ANK2: variants seen among roughly 807,000 people sequenced by gnomAD.
The protein encoded by ANK2 is ankyrin-2.
ANK2 carries 83 observed loss-of-function variants against 360.5 expected under a neutral mutation model. The ratio of observed to expected loss-of-function variants is 0.23; its 90% CI spans 0.19 to 0.28. ANK2 has a LOEUF of 0.28. Ranked by LOEUF, ANK2 falls within the 10% of genes least tolerant of loss-of-function variation. The pLI, the probability that ANK2 is intolerant of heterozygous loss-of-function variation, is 1.00. For synonymous variants in ANK2, 1,740 were observed against 1,759.5 expected (o/e 0.99, Z 0.28); for missense variants, 4,201 against 4,795.7 (o/e 0.88, Z 3.66).
intron 1 of ANK2, among the ~76,000 whole-genome samples, chr4:112,840,958 T>C (rs1476633756): frequency 2.0e-5 from 3 of 152,076 alleles, no homozygotes; most frequent in Non-Finnish European, 4.4e-5. Flanking sequence ...TGTTATATAC[T>C]TGAGTATCCA....
At chr4:112,824,708 TG>T (rs982797827) in intron 1 of ANK2, among the ~76,000 whole-genome samples, 2 of 152,086 alleles carry the variant, frequency 1.3e-5, no homozygotes, top group African/African-American at 4.8e-5. Context: ...TTCACCATGC[TG>T]GCCAGGCTGG....
At chr4:112,737,962 T>C in the ANK2 span, among the ~76,000 whole-genome samples, 1 of 152,150 alleles carries the variant, frequency 6.6e-6, no homozygotes, top group Non-Finnish European at 1.5e-5. Flanking sequence ...TTCATCGGGG[T>C]ACATCGATAG....
At chr4:113,116,238 TTAATAATGAG>T (rs2094757844) in intron 1 of ANK2, among the ~76,000 whole-genome samples, 1 of 152,232 alleles carries the variant, frequency 6.6e-6, no homozygotes, top group Non-Finnish European at 1.5e-5. Context: ...CCTTTGATAA[TTAATAATGAG>T]TACCTATGTG....
upstream of ANK2, among the ~76,000 whole-genome samples, chr4:113,046,713 A>G (rs936447544): frequency 6.6e-6 from 1 of 152,108 alleles, no homozygotes; most frequent in African/African-American, 2.4e-5. Flanking sequence ...ACCTCGTCTC[A>G]GGTATTTTGT....
At chr4:112,777,736 G>A in the ANK2 span, among the ~76,000 whole-genome samples, 2 of 150,194 alleles carry the variant, frequency 1.3e-5, no homozygotes, top group Admixed American at 1.3e-4. Flanking sequence ...TCCTGCCTCA[G>A]CCTCCCGAGT....
the ANK2 span, among the ~76,000 whole-genome samples, chr4:112,802,183 G>A: frequency 6.6e-6 from 1 of 152,062 alleles, no homozygotes; most frequent in Non-Finnish European, 1.5e-5. Context: ...AGGTATTTGT[G>A]CAACAACTGA....
chr4:112,959,525 G>A (rs1485439201), intron 2 of ANK2, among the ~76,000 whole-genome samples: 2 of 152,084 alleles, frequency 1.3e-5, no homozygotes, highest in Non-Finnish European at 2.9e-5. Flanking sequence ...TGAAGGTTTG[G>A]GAACTTTGTG....
chr4:113,174,538 T>A (rs2098118964), intron 2 of ANK2, 21 bp downstream of exon 2: 2 of 1,539,504 alleles, frequency 1.3e-6, no homozygotes, highest in South Asian at 2.3e-5. Flanking sequence ...GGCAGCTAGC[T>A]CTGTGTTGTG....
At chr4:113,260,363 T>A (rs1399711407) in intron 13 of ANK2, among the ~76,000 whole-genome samples, 2 of 152,222 alleles carry the variant, frequency 1.3e-5, no homozygotes, top group African/African-American at 4.8e-5. Flanking sequence ...AATTTGACAA[T>A]CATTATATTA....
chr4:113,200,161 G>T (rs1170507213), intron 4 of ANK2, among the ~76,000 whole-genome samples: 1 of 152,038 alleles, frequency 6.6e-6, no homozygotes, highest in Non-Finnish European at 1.5e-5. Context: ...CCTTCAGTTG[G>T]ATGCACATCA....
At chr4:112,911,238 TG>T (rs34056482) in intron 2 of ANK2, among the ~76,000 whole-genome samples, 1 of 138,066 alleles carries the variant, frequency 7.2e-6, no homozygotes, top group Non-Finnish European at 1.5e-5. Context: ...CTGGGCGCAG[TG>T]GCTCATGCCT....
intron 1 of ANK2, among the ~76,000 whole-genome samples, chr4:113,118,496 G>C (rs538265971): frequency 6.6e-6 from 1 of 152,124 alleles, no homozygotes; most frequent in African/African-American, 2.4e-5. Context: ...AACCAACATT[G>C]AGTTGAGATC....
the ANK2 span, among the ~76,000 whole-genome samples, chr4:112,719,752 A>C: frequency 6.6e-6 from 1 of 151,716 alleles, no homozygotes; most frequent in Non-Finnish European, 1.5e-5. Flanking sequence ...AGAAGGTATA[A>C]TTCAAAGCAG....
chr4:112,719,645 G>C, the ANK2 span, among the ~76,000 whole-genome samples: 1 of 151,290 alleles, frequency 6.6e-6, no homozygotes, highest in Non-Finnish European at 1.5e-5. Flanking sequence ...GGAGAATGGC[G>C]TGAACCCAGG....
rs564451825 is a variant in ANK2, at chr4:113,275,032, A to G, written c.1683+383A>G. Among the ~76,000 whole-genome samples, 3 of 152,332 alleles carry G rather than the reference A, an allele frequency of 2.0e-5. No homozygotes were observed. The East Asian group carries it at 5.8e-4, about 29-fold the overall frequency. ...GAGGGTACTGCATTAGATTGGCAGT[A>G]CTATATTTGCTGTGAGTTATAGTAC... On this transcript the variant is annotated intron_variant, in intron 15 of 45. Transcript: ENST00000357077.
chr4:113,256,465 G>T (rs569890318), intron 11 of ANK2, among the ~76,000 whole-genome samples: 3 of 152,102 alleles, frequency 2.0e-5, no homozygotes, highest in Non-Finnish European at 4.4e-5. Context: ...AGTGTGTTAC[G>T]GCTTCAGGGA....
intron 1 of ANK2, among the ~76,000 whole-genome samples, chr4:112,850,249 C>CATCCATCTATCT (rs1437200079): frequency 1.1e-4 from 15 of 139,352 alleles, no homozygotes; most frequent in East Asian, 4.3e-4. Context: ...TAAGAAATTT[C>CATCCATCTATCT]ATCTATCTAT....
intron 1 of ANK2, among the ~76,000 whole-genome samples, chr4:113,052,158 TAC>T (rs1324114058): frequency 1.3e-5 from 2 of 152,212 alleles, no homozygotes; most frequent in Non-Finnish European, 2.9e-5. Flanking sequence ...GCAAGAAACT[TAC>T]ATTTTCATAT....
intron 2 of ANK2, among the ~76,000 whole-genome samples, chr4:112,996,502 G>A (rs1670691833): frequency 6.6e-6 from 1 of 151,982 alleles, no homozygotes; most frequent in South Asian, 2.1e-4. Context: ...AATGTAATAG[G>A]AACAGCACCT....
Sources: allele counts gnomAD v4.1 joint callset (sites outside exome capture counted in the v4.1 genomes callset), GRCh38; gene constraint gnomAD v4.1.1; transcripts MANE v1.5; gene names NCBI Gene and HGNC (gene_info 2026-07-23, HGNC 2026-07-21).